TIGAR: variants seen among roughly 807,000 people sequenced by gnomAD.
TIGAR encodes the protein fructose-2,6-bisphosphatase TIGAR.
In TIGAR, 7 loss-of-function variants were observed where a neutral mutation model predicts 17.9. The observed-to-expected ratio is 0.39, with a 90% confidence interval of 0.22 to 0.73. The LOEUF (loss-of-function observed/expected upper bound fraction) is 0.73. Among genes scored for constraint, TIGAR ranks in the 30% least tolerant of loss-of-function variants. The probability of loss-of-function intolerance (pLI) is 0.42; values close to 1 mark genes in which losing one functional copy is unlikely to be tolerated. For missense variants in TIGAR, 258 were observed against 327.4 expected (o/e 0.79, Z 1.64); for synonymous variants, 94 against 108.6 (o/e 0.87, Z 0.84).
chr12:4,331,162 T>C (rs979246875), intron 1 of TIGAR, 118 bp from the exon 2 acceptor site: 2 of 855,396 alleles, frequency 2.3e-6, no homozygotes, highest in Admixed American at 2.0e-5. Flanking sequence ...TTATGAAGTG[T>C]GTTACAAGTT....
In TIGAR at chr12:4,332,750, A is replaced by C. The variant is rs1298134480; in HGVS notation, c.70+1433A>C. On this transcript the variant is annotated intron_variant, in intron 2 of 5. Coordinates refer to ENST00000179259, the MANE Select transcript of TIGAR (RefSeq NM_020375.3). ...TATGGTCAGTTTTTATAATTCTTCC[A>C]TTGTATGCTTCAGAAAAATGTATAA... Among the ~76,000 whole-genome samples the C allele has an allele frequency of 2.0e-5, 3 of 152,130 alleles. No individual in the cohort carries two copies. In the East Asian group the frequency reaches 5.8e-4, roughly 29 times the overall value.
chr12:4,327,506 T>C (rs1439444248), intron 1 of TIGAR, among the ~76,000 whole-genome samples: 2 of 152,090 alleles, frequency 1.3e-5, no homozygotes, highest in African/African-American at 4.8e-5. Flanking sequence ...GTCTGAGCAG[T>C]TTGCAGCCCA....
At chr12:4,325,465 AAGAC>A (rs1864535343) in intron 1 of TIGAR, among the ~76,000 whole-genome samples, 2 of 152,024 alleles carry the variant, frequency 1.3e-5, no homozygotes, top group Admixed American at 6.5e-5. Context: ...ATAAAGATCA[AAGAC>A]AGCCGAAAGT....
rs561190783 is a variant in TIGAR at position 4,338,214 on chromosome 12, G to A, written c.192+1054G>A. On this transcript the variant is annotated intron_variant, in intron 3 of 5. Coordinates refer to ENST00000179259, the MANE Select transcript of TIGAR (RefSeq NM_020375.3). ...GAGAGTTTTGTGACCAACTGTGAGT[G>A]AGGTATTGTTGGAATTTCATCTCCC... Among the ~76,000 whole-genome samples, 3 of 152,318 alleles carry A rather than the reference G, an allele frequency of 2.0e-5. No homozygotes were observed. The East Asian group carries it at 5.8e-4, about 29-fold the overall frequency.
In TIGAR at chr12:4,353,531, T is replaced by C. The variant is rs989708776; in HGVS notation, c.*840T>C. The C allele has an allele frequency of 1.3e-5, 2 of 152,172 alleles. No homozygotes were observed. Among genetic ancestry groups the C allele is most frequent in the Non-Finnish European group, 2.9e-5 (2 of 68,074 alleles). The allele number at this position is 152,172 out of a possible 1,614,324, so 9.4% of individuals were successfully genotyped here. A position where few individuals can be genotyped will look rare whatever the true frequency, so the allele number is the denominator to read the frequency against. ...CAGTAATCAGAATAAAAGAGGGGCC[T>C]TCTTTGTAAAGAATGGTGCTCTGGG... On this transcript the variant is annotated 3_prime_UTR_variant, in exon 6 of 6. Transcript: ENST00000179259.
At chr12:4,352,127 A>G in intron 5 of TIGAR, 133 bp from the exon 6 acceptor site, 1 of 681,076 alleles carries the variant, frequency 1.5e-6, no homozygotes, top group Non-Finnish European at 2.4e-6. Context: ...AGAAATGTAG[A>G]TTGATATTCT....
At chr12:4,345,520 A>C (rs1864770068) in intron 3 of TIGAR, among the ~76,000 whole-genome samples, 1 of 152,226 alleles carries the variant, frequency 6.6e-6, no homozygotes, top group Non-Finnish European at 1.5e-5. Flanking sequence ...AGGATTCCCT[A>C]TTCAACAAAT....
At chr12:4,344,042 GA>G (rs1339015792) in intron 3 of TIGAR, among the ~76,000 whole-genome samples, 2 of 152,068 alleles carry the variant, frequency 1.3e-5, no homozygotes, top group Non-Finnish European at 2.9e-5. Context: ...TGATAAAGGG[GA>G]TATCACCACA....
chr12:4,332,554 T>C (rs1474939759), intron 2 of TIGAR, among the ~76,000 whole-genome samples: 1 of 152,226 alleles, frequency 6.6e-6, no homozygotes, highest in Admixed American at 6.5e-5. Flanking sequence ...TCAAGGCTTA[T>C]ATATTCCTAA....
intron 3 of TIGAR, among the ~76,000 whole-genome samples, chr12:4,348,129 C>T (rs1864800800): frequency 6.6e-6 from 1 of 151,436 alleles, no homozygotes; most frequent in Admixed American, 6.6e-5. Flanking sequence ...GAGCGAGACC[C>T]TGTCTCAAAA....
Position 4,321,251 on chromosome 12 carries a change from A to G in TIGAR, c.-21A>G, listed in dbSNP as rs1210180387. Reference sequence around the variant, plus strand: ...GGGGCAGCGCGGCGCGGGGCCACCGACGGGACGCGGCTCCGGGAACATGGC... The same window carrying G: ...GGGGCAGCGCGGCGCGGGGCCACCGGCGGGACGCGGCTCCGGGAACATGGC... On this transcript the variant is annotated 5_prime_UTR_variant, in exon 1 of 6. Transcript: ENST00000179259. The surrounding 1 kb of genome is among the most constrained non-coding windows in gnomAD (Gnocchi z 5.2). 6.2e-7 allele frequency: 1 copy of G among 1,600,376 alleles called. No homozygotes were observed. The highest frequency in any genetic ancestry group is 8.5e-7 in the Non-Finnish European group (1 of 1,179,758).
At chr12:4,330,325 G>C (rs1864590682) in intron 1 of TIGAR, among the ~76,000 whole-genome samples, 1 of 152,200 alleles carries the variant, frequency 6.6e-6, no homozygotes, top group Non-Finnish European at 1.5e-5. Context: ...GGTACAAATT[G>C]AAGAAACCTT....
Position 4,321,901 on chromosome 12 carries a change from G to T in TIGAR, c.32+598G>T, listed in dbSNP as rs139075261. On this transcript the variant is annotated intron_variant, in intron 1 of 5. Coordinates refer to ENST00000179259, the MANE Select transcript of TIGAR (RefSeq NM_020375.3). This position sits in a 1 kb window ranked among gnomAD's most constrained non-coding sequence, Gnocchi z 5.2. ...AAATAAATGTTTTTATTATCATAAC[G>T]TTACACGGAGCTGCATGCTGATAGG... Among the ~76,000 whole-genome samples the T allele has an allele frequency of 1.3e-5, 2 of 152,186 alleles. No individual in the cohort carries two copies. The highest frequency in any genetic ancestry group is 2.9e-5 in the Non-Finnish European group (2 of 68,044).
intron 3 of TIGAR, among the ~76,000 whole-genome samples, chr12:4,344,404 G>A (rs1456465038): frequency 6.6e-6 from 1 of 152,134 alleles, no homozygotes; most frequent in Non-Finnish European, 1.5e-5. Flanking sequence ...TGATACCAAA[G>A]CCTGGCAGAG....
At chr12:4,336,127 T>G (rs1864655368) in intron 2 of TIGAR, among the ~76,000 whole-genome samples, 1 of 152,362 alleles carries the variant, frequency 6.6e-6, no homozygotes, top group Admixed American at 6.5e-5. Flanking sequence ...AACAATTATT[T>G]GTTCTAAATT....
intron 2 of TIGAR, among the ~76,000 whole-genome samples, chr12:4,334,732 T>C (rs1008383505): frequency 6.6e-6 from 1 of 152,152 alleles, no homozygotes; most frequent in African/African-American, 2.4e-5. Context: ...GTGGTAAACA[T>C]AGTGGCTTCA....
intron 3 of TIGAR, among the ~76,000 whole-genome samples, chr12:4,338,141 A>G (rs1246290038): frequency 2.5e-5 from 1 of 39,800 alleles, no homozygotes. Context: ...ATAAAAAAAA[A>G]GTAAAATTAA....
chr12:4,326,632 G>A (rs1334972721), intron 1 of TIGAR, among the ~76,000 whole-genome samples: 1 of 152,188 alleles, frequency 6.6e-6, no homozygotes, highest in East Asian at 1.9e-4. Context: ...CAGTGGTTAT[G>A]CTGCTTTCAC....
intron 2 of TIGAR, among the ~76,000 whole-genome samples, chr12:4,335,079 C>T (rs1211113703): frequency 6.6e-6 from 1 of 151,808 alleles, no homozygotes; most frequent in Non-Finnish European, 1.5e-5. Flanking sequence ...CTCTTGTTGC[C>T]CAGGCTGGAG....
Sources: gnomAD v4.1 joint callset for allele counts (sites outside exome capture counted in the v4.1 genomes callset) on GRCh38, gnomAD v4.1.1 for gene constraint, Gnocchi (gnomAD v3.1) non-coding constraint, MANE v1.5 for transcripts, NCBI Gene and HGNC (gene_info 2026-07-23, HGNC 2026-07-21) for gene names.